Variants in SEMA5A observed in about 807,000 individuals in gnomAD.
SEMA5A encodes semaphorin 5A, also known as semaphorin-5A.
In SEMA5A, 55 loss-of-function variants were observed where a neutral mutation model predicts 135.5. The observed-to-expected ratio is 0.41, with a 90% CI of 0.33 to 0.51. SEMA5A has a LOEUF of 0.51. Ranked by LOEUF, SEMA5A falls within the 20% of genes least tolerant of loss-of-function variation. SEMA5A has a pLI of 0.37. For missense variants in SEMA5A, 1,290 were observed against 1,419.9 expected, an observed-to-expected ratio of 0.91 and a Z score of 1.47; for synonymous variants, 580 against 546.5, an observed-to-expected ratio of 1.06 and a Z score of -0.85.
chr5:9,444,628 G>T (rs1244132686), intron 1 of SEMA5A, among the ~76,000 whole-genome samples: 2 of 152,062 alleles, frequency 1.3e-5, no homozygotes, highest in East Asian at 3.9e-4. Flanking sequence ...TTTTGCAATT[G>T]CGAACTGTGA....
At chr5:9,294,273 C>G (rs1751225549) in intron 5 of SEMA5A, among the ~76,000 whole-genome samples, 1 of 152,152 alleles carries the variant, frequency 6.6e-6, no homozygotes, top group Admixed American at 6.5e-5. Context: ...GGCATTAAGC[C>G]TACAGTATAA....
chr5:9,084,229 G>A (rs1219187666), intron 16 of SEMA5A, among the ~76,000 whole-genome samples: 6 of 152,176 alleles, frequency 3.9e-5, no homozygotes, highest in Non-Finnish European at 7.3e-5. Flanking sequence ...TGTTCCAGCA[G>A]TCATCCAAAT....
At chr5:9,389,757 T>G (rs1756069266) in intron 2 of SEMA5A, among the ~76,000 whole-genome samples, 1 of 152,182 alleles carries the variant, frequency 6.6e-6, no homozygotes, top group Non-Finnish European at 1.5e-5. Context: ...ATCCCAACCC[T>G]TAAGCATCAC....
chr5:9,052,241 T>A (rs1287261707), intron 19 of SEMA5A, among the ~76,000 whole-genome samples: 2 of 152,226 alleles, frequency 1.3e-5, no homozygotes, highest in African/African-American at 4.8e-5. Flanking sequence ...TGCGCTGTTA[T>A]ATATTTGATC....
chr5:9,443,373 G>C (rs1347099463), intron 1 of SEMA5A, among the ~76,000 whole-genome samples: 2 of 152,078 alleles, frequency 1.3e-5, no homozygotes, highest in Non-Finnish European at 2.9e-5. Context: ...CAAAAGAAAA[G>C]GAAGAGGGGG....
At chr5:9,200,071 T>C (rs1745621301) in intron 9 of SEMA5A, among the ~76,000 whole-genome samples, 1 of 152,174 alleles carries the variant, frequency 6.6e-6, no homozygotes, top group South Asian at 2.1e-4. Context: ...AAAAACCTTG[T>C]CTGAGACATG....
intron 1 of SEMA5A, among the ~76,000 whole-genome samples, chr5:9,535,248 C>T (rs567759730): frequency 5.9e-5 from 9 of 152,318 alleles, no homozygotes; most frequent in Middle Eastern, 3.4e-3. Flanking sequence ...TGAATCTTTG[C>T]GATTCTTACT....
At chr5:9,410,342 AT>A (rs1308689921) in intron 2 of SEMA5A, among the ~76,000 whole-genome samples, 1 of 152,144 alleles carries the variant, frequency 6.6e-6, no homozygotes. Flanking sequence ...CCAAATAGTT[AT>A]TTCCTTTCTT....
At chr5:9,373,209 AT>A (rs1463866602) in intron 3 of SEMA5A, among the ~76,000 whole-genome samples, 1 of 152,224 alleles carries the variant, frequency 6.6e-6, no homozygotes, top group Non-Finnish European at 1.5e-5. Context: ...ACACATAAAT[AT>A]AATGTAATAT....
chr5:9,375,020 G>A (rs1001878553), intron 3 of SEMA5A, among the ~76,000 whole-genome samples: 1 of 152,044 alleles, frequency 6.6e-6, no homozygotes, highest in African/African-American at 2.4e-5. Context: ...TTTGAGGATG[G>A]TTAAGTCATG....
At chr5:9,544,622 G>T (rs1278328860) in intron 1 of SEMA5A, among the ~76,000 whole-genome samples, 1 of 152,114 alleles carries the variant, frequency 6.6e-6, no homozygotes, top group Non-Finnish European at 1.5e-5. Flanking sequence ...GTGGCGCCTC[G>T]TCCTCCGAGC....
At chr5:9,330,131 GAA>G (rs11289221) in intron 4 of SEMA5A, among the ~76,000 whole-genome samples, 1 of 149,654 alleles carries the variant, frequency 6.7e-6, no homozygotes, top group African/African-American at 2.4e-5. Context: ...CTCAAGCAGG[GAA>G]AAAAAAAATA....
intron 1 of SEMA5A, among the ~76,000 whole-genome samples, chr5:9,467,875 G>T (rs557365357): frequency 6.6e-6 from 1 of 152,322 alleles, no homozygotes; most frequent in African/African-American, 2.4e-5. Context: ...AAGTTTTAAA[G>T]GTTTATTAGT....
chr5:9,291,678 C>A (rs1751087463), intron 5 of SEMA5A, among the ~76,000 whole-genome samples: 1 of 151,590 alleles, frequency 6.6e-6, no homozygotes, highest in Non-Finnish European at 1.5e-5. Context: ...GTGAGTGGAT[C>A]AACCACCTTG....
chr5:9,478,805 G>A (rs538689358), intron 1 of SEMA5A, among the ~76,000 whole-genome samples: 15 of 148,794 alleles, frequency 1.0e-4, no homozygotes, highest in African/African-American at 3.1e-4. Flanking sequence ...AGTTAATACT[G>A]GAATGAGTTA....
In SEMA5A at chr5:9,315,774, A is replaced by G. The variant is rs554613145; in HGVS notation, c.270+2598T>C. 1.2e-3 allele frequency among the ~76,000 whole-genome samples: 186 copies of G among 152,262 alleles called. 1 individual carries two copies. Among genetic ancestry groups the G allele is most frequent in the African/African-American group, 3.8e-3 (160 of 41,564 alleles). On this transcript the variant is annotated intron_variant, in intron 5 of 22. Transcript: ENST00000382496. Reference sequence around the variant, plus strand: ...GCATCAAATCACTGAACTCTGTCCCATTGCTGGTGAAGTTCCCCTTGACCT... The same window carrying G: ...GCATCAAATCACTGAACTCTGTCCCGTTGCTGGTGAAGTTCCCCTTGACCT...
At chr5:9,429,305 TC>T (rs1757776655) in intron 2 of SEMA5A, among the ~76,000 whole-genome samples, 1 of 152,156 alleles carries the variant, frequency 6.6e-6, no homozygotes, top group Non-Finnish European at 1.5e-5. Flanking sequence ...AGGGTATTAC[TC>T]ATGCGATTCA....
chr5:9,417,658 T>C (rs1238817214), intron 2 of SEMA5A, among the ~76,000 whole-genome samples: 1 of 152,226 alleles, frequency 6.6e-6, no homozygotes, highest in Non-Finnish European at 1.5e-5. Context: ...GTTACTTCTG[T>C]GCCTTGTCTT....
chr5:9,442,370 A>C (rs146685053), intron 1 of SEMA5A, among the ~76,000 whole-genome samples: 1 of 152,300 alleles, frequency 6.6e-6, no homozygotes, highest in Non-Finnish European at 1.5e-5. Flanking sequence ...TGGGGGAAGA[A>C]GCACTGTCCA....
Sources: gnomAD v4.1 joint callset for allele counts (sites outside exome capture counted in the v4.1 genomes callset) on GRCh38, gnomAD v4.1.1 for gene constraint, MANE v1.5 for transcripts, NCBI Gene and HGNC (gene_info 2026-07-23, HGNC 2026-07-21) for gene names.